CELF4: variants seen among roughly 807,000 people sequenced by gnomAD.
CELF4 encodes CUGBP Elav-like family member 4.
In CELF4, 18 loss-of-function variants were observed where a neutral mutation model predicts 59.9. That is an observed-to-expected ratio of 0.30 (90% CI 0.21 to 0.45). The LOEUF is 0.45. Among genes scored for constraint, CELF4 ranks in the 20% least tolerant of loss-of-function variants. CELF4 has a pLI of 1.00. For synonymous variants in CELF4, 261 were observed against 267.1 expected, an observed-to-expected ratio of 0.98 and a Z score of 0.22; for missense variants, 456 against 689.0, an observed-to-expected ratio of 0.66 and a Z score of 3.79.
intron 2 of CELF4, among the ~76,000 whole-genome samples, chr18:37,334,864 G>C (rs2154541107): frequency 6.6e-6 from 1 of 152,236 alleles, no homozygotes; most frequent in South Asian, 2.1e-4. Flanking sequence ...AGAGGAAATT[G>C]CTCTTAATCC....
chr18:37,290,889 G>A (rs2095291473), intron 3 of CELF4, among the ~76,000 whole-genome samples: 1 of 152,072 alleles, frequency 6.6e-6, no homozygotes, highest in Admixed American at 6.6e-5. Context: ...CATGATCCAT[G>A]ACAATTTTCA....
chr18:37,264,564 A>G lies in CELF4; in HGVS notation c.1249+110T>C, dbSNP rs1397184614. On this transcript the variant is annotated intron_variant, in intron 10 of 12. Transcript: ENST00000420428. ...TCCCTTGCCCACCTCAACACAGCAC[A>G]CAAACGTGGTCACCTTTCCAACGCA... 3 of 876,084 alleles carry G rather than the reference A, an allele frequency of 3.4e-6. No homozygotes were observed. In the Admixed American group the frequency reaches 6.2e-5, roughly 18 times the overall value. The allele number at this position is 876,084 out of a possible 1,614,324, so 54.3% of individuals were successfully genotyped here. A position where few individuals can be genotyped will look rare whatever the true frequency, so the allele number is the denominator to read the frequency against.
intron 1 of CELF4, among the ~76,000 whole-genome samples, chr18:37,534,626 A>C (rs2099972050): frequency 6.6e-6 from 1 of 152,224 alleles, no homozygotes; most frequent in African/African-American, 2.4e-5. Context: ...TCCTGCATTC[A>C]ACCGACGAAC....
intron 8 of CELF4, among the ~76,000 whole-genome samples, chr18:37,267,082 A>T (rs1482024559): frequency 6.6e-6 from 1 of 152,218 alleles, no homozygotes; most frequent in East Asian, 1.9e-4. Flanking sequence ...CTGCTCACAC[A>T]GAGGGATGCG....
At chr18:37,270,670 G>A in intron 8 of CELF4, 98 bp downstream of exon 8, 5 of 1,425,010 alleles carry the variant, frequency 3.5e-6, no homozygotes, top group Non-Finnish European at 4.9e-6. Context: ...GGAATGGACA[G>A]AGGGCAGGAG....
At chr18:37,558,701 A>G (rs1484163229) in intron 1 of CELF4, among the ~76,000 whole-genome samples, 3 of 151,984 alleles carry the variant, frequency 2.0e-5, no homozygotes, top group Admixed American at 6.6e-5. Flanking sequence ...CTCTTGTTAT[A>G]GAGAGCCCAA....
At chr18:37,388,939 T>C (rs1221650828) in intron 2 of CELF4, among the ~76,000 whole-genome samples, 1 of 152,136 alleles carries the variant, frequency 6.6e-6, no homozygotes, top group African/African-American at 2.4e-5. Flanking sequence ...GGTGCTCCTG[T>C]GCACCTCTTG....
intron 2 of CELF4, among the ~76,000 whole-genome samples, chr18:37,393,763 TC>T (rs139028192): frequency 0.22 from 33,346 of 151,372 alleles, 4,365 homozygotes; most frequent in Non-Finnish European, 0.28. Flanking sequence ...TAACAACCCA[TC>T]CCCAATCTGA....
intron 2 of CELF4, among the ~76,000 whole-genome samples, chr18:37,381,577 C>A (rs1017605891): frequency 3.3e-5 from 5 of 152,284 alleles, no homozygotes; most frequent in Middle Eastern, 3.4e-3. Context: ...GCAAAACCCC[C>A]ATTTGAATGG....
At chr18:37,491,539 C>T (rs183928768) in intron 1 of CELF4, among the ~76,000 whole-genome samples, 1 of 152,004 alleles carries the variant, frequency 6.6e-6, no homozygotes, top group Non-Finnish European at 1.5e-5. Flanking sequence ...GCTCCTCATT[C>T]AGGGGTCTGC....
At chr18:37,370,655 G>A (rs548986195) in intron 2 of CELF4, among the ~76,000 whole-genome samples, 32 of 152,202 alleles carry the variant, frequency 2.1e-4, no homozygotes, top group African/African-American at 6.3e-4. Flanking sequence ...TGTACTTTCC[G>A]CAGGTGGCCC....
At chr18:37,380,970 A>G (rs2099032737) in intron 2 of CELF4, among the ~76,000 whole-genome samples, 1 of 148,576 alleles carries the variant, frequency 6.7e-6, no homozygotes, top group South Asian at 2.2e-4. Flanking sequence ...TACCCACCAT[A>G]TATCCTTATG....
At chr18:37,413,603 G>GACCCC (rs2099495209) in intron 2 of CELF4, among the ~76,000 whole-genome samples, 1 of 152,138 alleles carries the variant, frequency 6.6e-6, no homozygotes, top group South Asian at 2.1e-4. Context: ...TAATCCAGAT[G>GACCCC]ACCCCATGGA....
intron 2 of CELF4, among the ~76,000 whole-genome samples, chr18:37,428,656 A>C (rs1479281769): frequency 6.6e-6 from 1 of 152,188 alleles, no homozygotes; most frequent in Non-Finnish European, 1.5e-5. Context: ...AGGGAATCTC[A>C]GTTATGTACC....
At chr18:37,499,647 C>T (rs1030846852) in intron 1 of CELF4, among the ~76,000 whole-genome samples, 4 of 152,186 alleles carry the variant, frequency 2.6e-5, no homozygotes, top group Non-Finnish European at 4.4e-5. Flanking sequence ...TCTTGTCTGC[C>T]CTACTCCTGG....
At chr18:37,444,617 T>TACACAC (rs61248144) in intron 2 of CELF4, among the ~76,000 whole-genome samples, 2,346 of 134,204 alleles carry the variant, frequency 0.017, 45 homozygotes, top group East Asian at 0.074. Flanking sequence ...CTAGCATGCA[T>TACACAC]ACACACACAC....
chr18:37,263,592 G>A (rs1010954267), intron 10 of CELF4, among the ~76,000 whole-genome samples: 5 of 152,088 alleles, frequency 3.3e-5, no homozygotes, highest in South Asian at 2.1e-4. Flanking sequence ...AGTCCCAGAC[G>A]GTGCGCCTGT....
At chr18:37,427,546 C>T (rs2099621786) in intron 2 of CELF4, among the ~76,000 whole-genome samples, 1 of 152,184 alleles carries the variant, frequency 6.6e-6, no homozygotes, top group Admixed American at 6.5e-5. Context: ...CCTTACAGCC[C>T]TGGCCTGTCC....
At chr18:37,257,288 G>A (rs1786063) in intron 11 of CELF4, among the ~76,000 whole-genome samples, 20,437 of 152,144 alleles carry the variant, frequency 0.13, 3,441 homozygotes, top group African/African-American at 0.4. Context: ...TCTCAGCAGC[G>A]CTCTTCTCAT....
Sources: allele counts gnomAD v4.1 joint callset (sites outside exome capture counted in the v4.1 genomes callset), GRCh38; gene constraint gnomAD v4.1.1; transcripts MANE v1.5; gene names NCBI Gene and HGNC (gene_info 2026-07-23, HGNC 2026-07-21).